The following COL9A3 variants were observed in gnomAD, a reference collection of about 807,000 sequenced individuals.
The protein encoded by COL9A3 is collagen alpha-3(IX) chain.
COL9A3 carries 82 observed loss-of-function variants against 110.2 expected under a neutral mutation model. The ratio of observed to expected loss-of-function variants is 0.74; its 90% CI spans 0.62 to 0.89. The LOEUF (loss-of-function observed/expected upper bound fraction) is 0.89, where lower values mean the gene tolerates loss of function less well. COL9A3 is among the 40% of genes least tolerant of loss of function. The pLI is 0.00. For missense variants in COL9A3, 1,066 were observed against 981.3 expected, an observed-to-expected ratio of 1.09 and a Z score of -1.15; for synonymous variants, 494 against 403.8, an observed-to-expected ratio of 1.22 and a Z score of -2.68.
intron 23 of COL9A3, 28 bp from the exon 24 acceptor site, chr20:62,830,489 A>G: frequency 1.9e-6 from 3 of 1,603,340 alleles, no homozygotes; most frequent in Non-Finnish European, 2.6e-6. Context: ...GGGTATGGGC[A>G]CTGACGAGCC....
At chr20:62,829,364 C>T (rs2063577725) in intron 19 of COL9A3, 91 bp from the exon 20 acceptor site, 2 of 1,543,918 alleles carry the variant, frequency 1.3e-6, no homozygotes, top group Admixed American at 1.8e-5. Context: ...CTCACTCTGG[C>T]CCCTGCACCC....
rs983938726 is a variant in COL9A3 at position 62,838,814 on chromosome 20, T to C, written c.1864+53T>C. 5.2e-5 allele frequency: 75 copies of C among 1,440,470 alleles called. No homozygotes were observed. The African/African-American group carries it at 9.9e-4, about 19-fold the overall frequency. The allele number at this position is 1,440,470 out of a possible 1,614,324, so 89.2% of individuals were successfully genotyped here. A position where few individuals can be genotyped will look rare whatever the true frequency, so the allele number is the denominator to read the frequency against. ...ACTGGGTGACATCTCTTCCGCCATCTTGTAGCTTTATGTGGGGCGTGCTTG... is the reference window on the plus strand; with the variant it reads ...ACTGGGTGACATCTCTTCCGCCATCCTGTAGCTTTATGTGGGGCGTGCTTG... On this transcript the variant is annotated intron_variant, in intron 31 of 31. Coordinates refer to ENST00000649368, the MANE Select transcript of COL9A3 (RefSeq NM_001853.4).
intron 3 of COL9A3, 145 bp downstream of exon 3, chr20:62,818,698 C>T (rs918003200): frequency 1.2e-6 from 1 of 821,284 alleles, no homozygotes; most frequent in African/African-American, 1.7e-5. Context: ...TGGAGCAGGC[C>T]TGGAGCCAGC....
At chr20:62,822,693 T>G in intron 10 of COL9A3, 61 bp downstream of exon 10, 1 of 1,565,060 alleles carries the variant, frequency 6.4e-7, no homozygotes, top group Non-Finnish European at 8.7e-7. Flanking sequence ...GGGGAGGGGT[T>G]CTGGCCTGGA....
In COL9A3 at chr20:62,817,109, G is replaced by GCTCCTC; in HGVS notation, c.48_49insCTCCTC (p.Leu15_Leu16dup). Reference sequence around the variant, plus strand: ...GCGCCCCGCTCCTGCTCCTGCTCCTGCTCGGGGAGCTTCTGGCGGCCGCCG... The same window carrying GCTCCTC: ...GCGCCCCGCTCCTGCTCCTGCTCCTGCTCCTCCTCGGGGAGCTTCTGGCGGCCGCCG... On this transcript the variant is annotated inframe_insertion, in exon 1 of 32. Coordinates refer to ENST00000649368, the MANE Select transcript of COL9A3 (RefSeq NM_001853.4). The GCTCCTC allele has an allele frequency of 7.1e-7, 1 of 1,403,316 alleles. No homozygotes were observed. Among genetic ancestry groups the GCTCCTC allele is most frequent in the Non-Finnish European group, 9.3e-7 (1 of 1,073,596 alleles). The allele number at this position is 1,403,316 out of a possible 1,614,324, so 86.9% of individuals were successfully genotyped here. A position where few individuals can be genotyped will look rare whatever the true frequency, so the allele number is the denominator to read the frequency against.
chr20:62,823,003 C>T (rs1006481442), intron 10 of COL9A3, among the ~76,000 whole-genome samples: 3 of 152,218 alleles, frequency 2.0e-5, no homozygotes, highest in Non-Finnish European at 2.9e-5. Context: ...TGGGACCCAC[C>T]TTTATCTTGA....
At chr20:62,826,598 C>G (rs1348363490) in intron 14 of COL9A3, among the ~76,000 whole-genome samples, 169 bp from the exon 15 acceptor site, 1 of 152,176 alleles carries the variant, frequency 6.6e-6, no homozygotes, top group Admixed American at 6.5e-5. Context: ...TAGGCCAGAG[C>G]AGGAGGGGAA....
In COL9A3 at chr20:62,832,415, C is replaced by T. The variant is rs2077214; in HGVS notation, c.1323+226C>T. On this transcript the variant is annotated intron_variant, in intron 25 of 31. Coordinates refer to ENST00000649368, the MANE Select transcript of COL9A3 (RefSeq NM_001853.4). ...CCCCCAGGCACGCCCCGGCATCCGCCGCTGCCTTCCTGGGTGCAAACAGCT... is the reference window on the plus strand; with the variant it reads ...CCCCCAGGCACGCCCCGGCATCCGCTGCTGCCTTCCTGGGTGCAAACAGCT... Among the ~76,000 whole-genome samples the T allele has an allele frequency of 0.16, 24,622 of 152,246 alleles. 2,078 individuals carry two copies. Among genetic ancestry groups the T allele is most frequent in the African/African-American group, 0.19 (7,895 of 41,534 alleles).
At chr20:62,833,651 C>T (rs1178978111) in intron 26 of COL9A3, among the ~76,000 whole-genome samples, 2 of 151,944 alleles carry the variant, frequency 1.3e-5, no homozygotes, top group African/African-American at 2.4e-5. Flanking sequence ...GATCATCCCG[C>T]CTTGGTCTCT....
intron 30 of COL9A3, among the ~76,000 whole-genome samples, chr20:62,837,563 C>A (rs1211226112): frequency 6.6e-5 from 10 of 152,038 alleles, no homozygotes; most frequent in Non-Finnish European, 1.3e-4. Flanking sequence ...AATCCCAACA[C>A]TTTGGGGGGC....
At chr20:62,834,414 C>T (rs746395187) in intron 26 of COL9A3, among the ~76,000 whole-genome samples, 3 of 152,238 alleles carry the variant, frequency 2.0e-5, no homozygotes, top group Non-Finnish European at 4.4e-5. Context: ...GCACATTTCT[C>T]CTTCTGGAGG....
chr20:62,820,270 T>A (rs1021343389), intron 5 of COL9A3, among the ~76,000 whole-genome samples: 1 of 151,878 alleles, frequency 6.6e-6, no homozygotes, highest in South Asian at 2.1e-4. Flanking sequence ...CCTCAGAATG[T>A]CCCTGAAGCC....
At chr20:62,822,227 T>C in intron 9 of COL9A3, 63 bp downstream of exon 9, 1 of 890,536 alleles carries the variant, frequency 1.1e-6, no homozygotes, top group Non-Finnish European at 1.9e-6. Context: ...GGTTGGACCC[T>C]CCCCATTCCC....
At position 62,817,590 on chromosome 20, in the gene COL9A3, C is replaced by A. The variant is rs1568746261; in HGVS notation, c.102C>A (p.Pro34=). 3.2e-6 allele frequency: 5 copies of A among 1,546,262 alleles called. No individual in the cohort carries two copies. The South Asian group carries it at 4.8e-5, about 15-fold the overall frequency. ...AGAGAGTGGGACTCCCCGGCCCCCC[C>A]GGCCCCCCAGGGCCGCCCGGGAAGC... ...GAQRVGLPGP[P]GPPGPPGKPG... is the part of the protein sequence containing the mutation. The change falls in exon 2 of 32, where the codon CCC becomes CCA. Residue 34 remains proline, a synonymous_variant. Coordinates refer to ENST00000649368, the MANE Select transcript of COL9A3 (RefSeq NM_001853.4).
chr20:62,821,145 C>T (rs778920118), intron 5 of COL9A3, 36 bp from the exon 6 acceptor site: 1 of 1,609,744 alleles, frequency 6.2e-7, no homozygotes, highest in South Asian at 1.1e-5. Context: ...CAAATAGAGG[C>T]CCAGCCCAAC....
upstream of COL9A3, among the ~76,000 whole-genome samples, chr20:62,816,754 G>A (rs920173509): frequency 2.0e-5 from 3 of 152,162 alleles, no homozygotes; most frequent in Non-Finnish European, 4.4e-5. Context: ...TCGGGTTGAG[G>A]AGCAAGGAGA....
chr20:62,839,668 ACCCACCCCACC>A (rs1568767854), intron 31 of COL9A3, among the ~76,000 whole-genome samples: 1 of 95,396 alleles, frequency 1.0e-5, no homozygotes, highest in African/African-American at 3.9e-5. Flanking sequence ...CCTCTCCTCC[ACCCACCCCACC>A]TCTCCCTGGG....
chr20:62,824,431 C>G lies in COL9A3; in HGVS notation c.520-14C>G. ...TTTGGCTGGGAGGGGTCTGACTGCT[C>G]TGTTTTCCGACAGTGCCCAAGTATC... On this transcript the variant is annotated splice_polypyrimidine_tract_variant and intron_variant, in intron 10 of 31. Transcript: ENST00000649368. The G allele has an allele frequency of 6.3e-7, 1 of 1,596,570 alleles. No individual in the cohort carries two copies. The highest frequency in any genetic ancestry group is 8.5e-7 in the Non-Finnish European group (1 of 1,172,076).
intron 21 of COL9A3, 39 bp from the exon 22 acceptor site, chr20:62,829,727 G>A: frequency 6.3e-7 from 1 of 1,596,890 alleles, no homozygotes; most frequent in Non-Finnish European, 8.5e-7. Context: ...CAGCCTGTGT[G>A]CAGACCCTGC....
Sources: gnomAD v4.1 joint callset for allele counts (sites outside exome capture counted in the v4.1 genomes callset) on GRCh38, gnomAD v4.1.1 for gene constraint, MANE v1.5 for transcripts, NCBI Gene and HGNC (gene_info 2026-07-23, HGNC 2026-07-21) for gene names.